Variants in ZNF423 observed in about 807,000 individuals in gnomAD.
The protein encoded by ZNF423 is Ebf-associated zinc finger protein.
Under a neutral mutation model 95.8 loss-of-function variants are expected in ZNF423, and 12 were observed. That is an observed-to-expected ratio of 0.13 (90% CI 0.08 to 0.20). The LOEUF (loss-of-function observed/expected upper bound fraction) is 0.20, where lower values mean the gene tolerates loss of function less well. Among genes scored for constraint, ZNF423 ranks in the 10% least tolerant of loss-of-function variants. The pLI is 1.00. For synonymous variants in ZNF423, 749 were observed against 711.9 expected (o/e 1.05, Z -0.83); for missense variants, 1,316 against 1,737.1 (o/e 0.76, Z 4.31).
At chr16:49,805,055 G>A (rs1249500647) in intron 1 of ZNF423, among the ~76,000 whole-genome samples, 2 of 151,488 alleles carry the variant, frequency 1.3e-5, no homozygotes, top group Admixed American at 6.6e-5. Context: ...GCCCACCACC[G>A]CACCCAGCTA....
intron 1 of ZNF423, among the ~76,000 whole-genome samples, chr16:49,794,149 C>G (rs1567346136): frequency 6.6e-6 from 1 of 152,056 alleles, no homozygotes; most frequent in Non-Finnish European, 1.5e-5. Flanking sequence ...GATTCTCCTG[C>G]CTCAGCCTCC....
rs140812400 is a variant in ZNF423 at position 49,741,524 on chromosome 16, A to G, written c.101-10553T>C. 1.2e-3 allele frequency among the ~76,000 whole-genome samples: 185 copies of G among 151,666 alleles called. 1 individual carries two copies. Among genetic ancestry groups the G allele is most frequent in the South Asian group, 4.0e-3 (19 of 4,804 alleles). ...TCTGTCTCAAAAAAAAAAGAAGAAG[A>G]AGGAGGAGGAAATCCACCGTTCTCT... On this transcript the variant is annotated intron_variant, in intron 2 of 7. Coordinates refer to ENST00000563137, the MANE Select transcript of ZNF423 (RefSeq NM_001379286.1).
rs374375545 is a variant in ZNF423 at position 49,730,071 on chromosome 16, T to C, written c.301+700A>G. 2.2e-4 allele frequency among the ~76,000 whole-genome samples: 33 copies of C among 152,288 alleles called. No homozygotes were observed. The East Asian group carries it at 4.1e-3, about 19-fold the overall frequency. On this transcript the variant is annotated intron_variant, in intron 3 of 7. Transcript: ENST00000563137. ...CCAGAAATGTGTCATCCCTGTAGCA[T>C]GGCTTCCACATCCCAGGGAATGCAC...
chr16:49,837,400 G>C (rs2035132372), intron 1 of ZNF423, among the ~76,000 whole-genome samples: 1 of 152,190 alleles, frequency 6.6e-6, no homozygotes, highest in Non-Finnish European at 1.5e-5. Context: ...GAAACTTGGA[G>C]GTGCCTGTGA....
At chr16:49,790,251 C>A (rs775145849) in intron 1 of ZNF423, among the ~76,000 whole-genome samples, 54 of 152,362 alleles carry the variant, frequency 3.5e-4, no homozygotes, top group Admixed American at 5.9e-4. Context: ...TGTGCATACA[C>A]AGTATTTTTC....
chr16:49,652,730 T>A (rs1029534611), intron 3 of ZNF423, among the ~76,000 whole-genome samples: 3 of 152,196 alleles, frequency 2.0e-5, no homozygotes, highest in African/African-American at 7.2e-5. Flanking sequence ...CCTTTGGAGA[T>A]CGGCAGAGCC....
intron 3 of ZNF423, chr16:49,711,954 A>T (rs961479379): frequency 6.6e-6 from 1 of 151,902 alleles, no homozygotes; most frequent in Admixed American, 6.6e-5. Context: ...TCTAGAAAAA[A>T]TAAATAAATA....
intron 7 of ZNF423, among the ~76,000 whole-genome samples, chr16:49,503,443 T>C (rs1326647079): frequency 1.3e-5 from 2 of 152,000 alleles, no homozygotes; most frequent in African/African-American, 4.8e-5. Context: ...GCCCACAGCC[T>C]CAGCCACCAC....
rs150088040 is a variant in ZNF423, at chr16:49,806,951, C to A, written c.41-17405G>T. ...CTGAGGCAGGAGAATCGCTTGAACC[C>A]GGGAGGTAGAGGTTGCAGCGAGCCG... is the stretch of plus-strand genomic sequence containing the variant. On this transcript the variant is annotated intron_variant, in intron 1 of 7. Transcript: ENST00000563137. 2.7e-5 allele frequency among the ~76,000 whole-genome samples: 4 copies of A among 150,212 alleles called. No homozygotes were observed. In the East Asian group the frequency reaches 7.9e-4, roughly 30 times the overall value.
intron 2 of ZNF423, among the ~76,000 whole-genome samples, chr16:49,766,259 GT>G (rs1404690527): frequency 6.6e-6 from 1 of 152,134 alleles, no homozygotes; most frequent in African/African-American, 2.4e-5. Flanking sequence ...GTTGTTTCAT[GT>G]TTTTTTAAGT....
chr16:49,571,038 G>A (rs955364714), intron 5 of ZNF423, among the ~76,000 whole-genome samples: 2 of 152,234 alleles, frequency 1.3e-5, no homozygotes, highest in African/African-American at 2.4e-5. Context: ...CCCTGGTCTG[G>A]AGAAGGCCTA....
intron 1 of ZNF423, among the ~76,000 whole-genome samples, chr16:49,816,307 C>T (rs1264337548): frequency 1.3e-5 from 2 of 152,084 alleles, no homozygotes; most frequent in Admixed American, 1.3e-4. Context: ...GCAACCTTCC[C>T]CCAGGATTTC....
chr16:49,816,162 A>G (rs879596010), intron 1 of ZNF423, among the ~76,000 whole-genome samples: 3 of 151,498 alleles, frequency 2.0e-5, no homozygotes, highest in African/African-American at 7.3e-5. Context: ...CCCACGATCC[A>G]CCTGCTTTGG....
intron 3 of ZNF423, among the ~76,000 whole-genome samples, chr16:49,678,228 A>AT (rs200881792): frequency 0.029 from 4,315 of 150,264 alleles, 198 homozygotes; most frequent in African/African-American, 0.099. Context: ...TATGTGTTTT[A>AT]TTTTTTTTTT....
intron 7 of ZNF423, among the ~76,000 whole-genome samples, chr16:49,521,637 G>A (rs1044837712): frequency 5.3e-5 from 8 of 152,192 alleles, no homozygotes; most frequent in African/African-American, 1.7e-4. Context: ...CTCTGGGCCA[G>A]GTCTGTATGA....
intron 5 of ZNF423, among the ~76,000 whole-genome samples, chr16:49,547,652 G>A (rs904538404): frequency 2.0e-5 from 3 of 152,200 alleles, no homozygotes; most frequent in East Asian, 1.9e-4. Flanking sequence ...TTCTGAAGGC[G>A]GAGGGTGGCA....
chr16:49,533,994 C>T (rs1968958508), intron 5 of ZNF423, among the ~76,000 whole-genome samples: 1 of 151,792 alleles, frequency 6.6e-6, no homozygotes, highest in African/African-American at 2.4e-5. Flanking sequence ...CCCATCTCTA[C>T]AAAAAAGGAA....
intron 5 of ZNF423, among the ~76,000 whole-genome samples, chr16:49,622,535 C>T (rs1052361094): frequency 2.0e-5 from 3 of 152,208 alleles, no homozygotes; most frequent in African/African-American, 4.8e-5. Context: ...CCGAAGGCAA[C>T]GTCCCCCCTC....
chr16:49,576,884 A>T (rs896335777), intron 5 of ZNF423, among the ~76,000 whole-genome samples: 1 of 152,240 alleles, frequency 6.6e-6, no homozygotes, highest in Non-Finnish European at 1.5e-5. Flanking sequence ...TTACCTTTTT[A>T]AAAATGTAGT....
Sources: gnomAD v4.1 joint callset for allele counts (sites outside exome capture counted in the v4.1 genomes callset) on GRCh38, gnomAD v4.1.1 for gene constraint, MANE v1.5 for transcripts, NCBI Gene and HGNC (gene_info 2026-07-23, HGNC 2026-07-21) for gene names.